Variants in FKBP1A observed in about 807,000 individuals in gnomAD.
FKBP1A encodes the protein peptidyl-prolyl cis-trans isomerase FKBP1A.
FKBP1A carries 5 observed loss-of-function variants against 14.2 expected under a neutral mutation model. The observed-to-expected ratio is 0.35, with a 90% CI of 0.18 to 0.74. The LOEUF (loss-of-function observed/expected upper bound fraction) is 0.74. Among genes scored for constraint, FKBP1A ranks in the 30% least tolerant of loss-of-function variants. FKBP1A has a pLI of 0.56. For missense variants in FKBP1A, 53 were observed against 138.8 expected (o/e 0.38, Z 3.10); for synonymous variants, 42 against 49.1 (o/e 0.86, Z 0.60).
At position 1,369,918 on chromosome 20, in the gene FKBP1A, G is replaced by A. The variant is rs1291206264; in HGVS notation, c.*191C>T. ...GGTAAACACACATACGAGGAGAAAG[G>A]GGAAGAGGAAACAGAGGTGTCGGAA... On this transcript the variant is annotated 3_prime_UTR_variant, in exon 5 of 5. Coordinates refer to ENST00000400137, the MANE Select transcript of FKBP1A (RefSeq NM_000801.5). 1.2e-5 allele frequency: 14 copies of A among 1,143,504 alleles called. No individual in the cohort carries two copies. Among genetic ancestry groups the A allele is most frequent in the East Asian group, 2.6e-5 (1 of 38,644 alleles). The allele number at this position is 1,143,504 out of a possible 1,614,324, so 70.8% of individuals were successfully genotyped here.
chr20:1,389,655 A>G (rs913213441), intron 2 of FKBP1A, among the ~76,000 whole-genome samples: 3 of 152,230 alleles, frequency 2.0e-5, no homozygotes, highest in African/African-American at 7.2e-5. Context: ...CAAAATGTCC[A>G]GTTAGTTACT....
Position 1,370,364 on chromosome 20 carries a change from C to T in FKBP1A, c.*37-292G>A, listed in dbSNP as rs987293473. 7.1e-6 allele frequency: 7 copies of T among 985,290 alleles called. No individual in the cohort carries two copies. The South Asian group carries it at 3.3e-4, about 46-fold the overall frequency. 61.0% of individuals were successfully genotyped at this position (985,290 alleles called of 1,614,324 possible). A position where few individuals can be genotyped will look rare whatever the true frequency, so the allele number is the denominator to read the frequency against. On this transcript the variant is annotated intron_variant, in intron 4 of 4. Transcript: ENST00000400137. ...ACCCATGCTGCTGACAATACAGTTCCCCACTATCATTGGGTCTCAAACTGT... is the reference window on the plus strand; with the variant it reads ...ACCCATGCTGCTGACAATACAGTTCTCCACTATCATTGGGTCTCAAACTGT...
rs912151666 is a variant in FKBP1A at position 1,369,026 on chromosome 20, A to G, written c.*1083T>C. On this transcript the variant is annotated 3_prime_UTR_variant, in exon 5 of 5. Transcript: ENST00000400137. ...TTTTATTGCAATAATAAAACTTGAG[A>G]CTCATAAATGGTGCTGGGGGAAGGG... is the stretch of plus-strand genomic sequence containing the variant. 1.2e-5 allele frequency: 2 copies of G among 166,938 alleles called. No individual in the cohort carries two copies. Among genetic ancestry groups the G allele is most frequent in the African/African-American group, 4.8e-5 (2 of 41,398 alleles). The allele number at this position is 166,938 out of a possible 1,614,324, so 10.3% of individuals were successfully genotyped here.
At chr20:1,392,369 T>G (rs2089748267) in intron 2 of FKBP1A, among the ~76,000 whole-genome samples, 1 of 152,150 alleles carries the variant, frequency 6.6e-6, no homozygotes, top group South Asian at 2.1e-4. Flanking sequence ...GACTCGGAAT[T>G]ACCTCGTCCT....
chr20:1,389,475 T>C (rs1165624654), intron 2 of FKBP1A, among the ~76,000 whole-genome samples: 2 of 151,916 alleles, frequency 1.3e-5, no homozygotes, highest in African/African-American at 4.8e-5. Flanking sequence ...GGAACAAAGC[T>C]AAGGAAAAGC....
At chr20:1,375,861 G>T (rs1199032524) in intron 2 of FKBP1A, among the ~76,000 whole-genome samples, 1 of 152,130 alleles carries the variant, frequency 6.6e-6, no homozygotes, top group African/African-American at 2.4e-5. Context: ...ATGAGCGGCA[G>T]TCCACCTTCT....
At chr20:1,391,522 A>C in intron 2 of FKBP1A, 1 of 395,886 alleles carries the variant, frequency 2.5e-6, no homozygotes, top group East Asian at 3.6e-5. Flanking sequence ...CTAGTCCTTA[A>C]CTTCTACCTC....
At chr20:1,389,642 G>C (rs989502684) in intron 2 of FKBP1A, among the ~76,000 whole-genome samples, 5 of 152,110 alleles carry the variant, frequency 3.3e-5, no homozygotes, top group African/African-American at 4.8e-5. Flanking sequence ...CTGATCCCAA[G>C]GACAAAATGT....
chr20:1,374,531 T>C (rs565656367), intron 3 of FKBP1A: 3 of 152,216 alleles, frequency 2.0e-5, no homozygotes, highest in African/African-American at 7.2e-5. Flanking sequence ...TGGGAGGAGA[T>C]TGCACCTTTA....
At chr20:1,370,535 G>A (rs1329712043) in intron 4 of FKBP1A, 1 of 984,868 alleles carries the variant, frequency 1.0e-6, no homozygotes, top group Non-Finnish European at 1.2e-6. Context: ...GTGCAGTCCA[G>A]ACTGAGAATA....
At chr20:1,388,449 A>G (rs2122706578) in intron 2 of FKBP1A, among the ~76,000 whole-genome samples, 1 of 152,356 alleles carries the variant, frequency 6.6e-6, no homozygotes, top group African/African-American at 2.4e-5. Flanking sequence ...ACAACTGGGT[A>G]GTCTCGATAG....
At chr20:1,372,034 A>G in intron 4 of FKBP1A, 42 bp downstream of exon 4, 1 of 1,589,748 alleles carries the variant, frequency 6.3e-7, no homozygotes, top group East Asian at 2.2e-5. Flanking sequence ...ACATGGGAGG[A>G]GCAAAGGCAG....
In FKBP1A at chr20:1,386,056, C is replaced by T. The variant is rs745718016; in HGVS notation, c.85+6778G>A. Reference sequence around the variant, plus strand: ...AGGCAGGAACTGTGTCTTCTTCACTCCTAAATTCTTGGTAGCCAGGACAGT... The same window carrying T: ...AGGCAGGAACTGTGTCTTCTTCACTTCTAAATTCTTGGTAGCCAGGACAGT... On this transcript the variant is annotated intron_variant, in intron 2 of 4. Coordinates refer to ENST00000400137, the MANE Select transcript of FKBP1A (RefSeq NM_000801.5). The surrounding 1 kb of genome is among the most constrained non-coding windows in gnomAD (Gnocchi z 4.7). Among the ~76,000 whole-genome samples the T allele has an allele frequency of 2.4e-4, 37 of 152,338 alleles. No homozygotes were observed. Among genetic ancestry groups the T allele is most frequent in the Non-Finnish European group, 2.8e-4 (19 of 68,040 alleles).
In FKBP1A at chr20:1,370,046, G is replaced by GA; in HGVS notation, c.*62dup. The GA allele has an allele frequency of 6.5e-7, 1 of 1,550,098 alleles. No homozygotes were observed. Among genetic ancestry groups the GA allele is most frequent in the East Asian group, 2.4e-5 (1 of 40,920 alleles). On this transcript the variant is annotated 3_prime_UTR_variant, in exon 5 of 5. Transcript: ENST00000400137. ...ATATGGATTCATGTGCACATGTCTG[G>GA]AGGCACCAGATCCCTCCATGGCAGA... is the stretch of plus-strand genomic sequence containing the variant.
rs1222648719 is a variant in FKBP1A at position 1,379,812 on chromosome 20, G to T, written c.86-4209C>A. ...TGGGGTGGTATGTGATTAAGTGGGTGTCACACAACTGGCACAAGCTACAGG... is the reference window on the plus strand; with the variant it reads ...TGGGGTGGTATGTGATTAAGTGGGTTTCACACAACTGGCACAAGCTACAGG... On this transcript the variant is annotated intron_variant, in intron 2 of 4. Transcript: ENST00000400137. The surrounding 1 kb of genome is among the most constrained non-coding windows in gnomAD (Gnocchi z 4.3). Among the ~76,000 whole-genome samples the T allele has an allele frequency of 6.6e-6, 1 of 152,190 alleles. No individual in the cohort carries two copies. Among genetic ancestry groups the T allele is most frequent in the Non-Finnish European group, 1.5e-5 (1 of 68,038 alleles).
At position 1,386,488 on chromosome 20, in the gene FKBP1A, T is replaced by C. The variant is rs1333260320; in HGVS notation, c.85+6346A>G. ...CTGGCCTCCTGGAGCCTTCAGTCGG[T>C]TGGGGAAAGAGCAGATGTTTAACTA... On this transcript the variant is annotated intron_variant, in intron 2 of 4. Coordinates refer to ENST00000400137, the MANE Select transcript of FKBP1A (RefSeq NM_000801.5). This position sits in a 1 kb window ranked among gnomAD's most constrained non-coding sequence, Gnocchi z 4.7. 1.3e-5 allele frequency among the ~76,000 whole-genome samples: 2 copies of C among 152,108 alleles called. No homozygotes were observed. The highest frequency in any genetic ancestry group is 2.9e-5 in the Non-Finnish European group (2 of 68,014).
intron 4 of FKBP1A, chr20:1,371,065 A>G: frequency 1.0e-6 from 1 of 985,504 alleles, no homozygotes; most frequent in Non-Finnish European, 1.2e-6. Context: ...TCTGACTGCC[A>G]TCACAAATAG....
intron 2 of FKBP1A, among the ~76,000 whole-genome samples, chr20:1,385,148 G>A: frequency 6.6e-6 from 1 of 152,182 alleles, no homozygotes; most frequent in East Asian, 1.9e-4. Context: ...CTAGCACTTT[G>A]GGAGGCTGAG....
At chr20:1,375,972 A>ACTGCAC (rs2089536659) in intron 2 of FKBP1A, among the ~76,000 whole-genome samples, 1 of 152,186 alleles carries the variant, frequency 6.6e-6, no homozygotes, top group Admixed American at 6.5e-5. Context: ...CGAGGTGCAC[A>ACTGCAC]CTATGTCTAG....
Sources: gnomAD v4.1 joint callset for allele counts (sites outside exome capture counted in the v4.1 genomes callset) on GRCh38, gnomAD v4.1.1 for gene constraint, Gnocchi (gnomAD v3.1) non-coding constraint, MANE v1.5 for transcripts, NCBI Gene and HGNC (gene_info 2026-07-23, HGNC 2026-07-21) for gene names.